The following HS2ST1 variants were observed in gnomAD, a reference collection of about 807,000 sequenced individuals.
The protein encoded by HS2ST1 is 2-O-sulfotransferase.
A neutral mutation model predicts 42.9 loss-of-function variants in HS2ST1; 18 were observed. The observed-to-expected ratio is 0.42, with a 90% CI of 0.29 to 0.62. The LOEUF is 0.62. Among genes scored for constraint, HS2ST1 ranks in the 20% least tolerant of loss-of-function variants. HS2ST1 has a pLI of 0.21. For missense variants in HS2ST1, 334 were observed against 433.8 expected, an observed-to-expected ratio of 0.77 and a Z score of 2.04; for synonymous variants, 146 against 152.9, an observed-to-expected ratio of 0.95 and a Z score of 0.33.
chr1:87,010,059 A>AC (rs200666632), intron 1 of HS2ST1, among the ~76,000 whole-genome samples: 22 of 151,746 alleles, frequency 1.4e-4, no homozygotes, highest in Non-Finnish European at 2.4e-4. Flanking sequence ...ACAAAACAAA[A>AC]AAAAAAACAA....
intron 3 of HS2ST1, among the ~76,000 whole-genome samples, chr1:87,090,019 A>G (rs1292655311): frequency 6.6e-6 from 1 of 151,950 alleles, no homozygotes; most frequent in Non-Finnish European, 1.5e-5. Context: ...ATTCCCAGGA[A>G]TCTCAGTCTT....
At chr1:86,985,411 CATAT>C (rs1267285197) in intron 1 of HS2ST1, among the ~76,000 whole-genome samples, 2 of 50,492 alleles carry the variant, frequency 4.0e-5, no homozygotes, top group African/African-American at 8.9e-5. Context: ...TATATATACA[CATAT>C]ATATACACAT....
At chr1:87,051,000 C>A (rs1349145209) in intron 1 of HS2ST1, among the ~76,000 whole-genome samples, 1 of 151,980 alleles carries the variant, frequency 6.6e-6, no homozygotes, top group Non-Finnish European at 1.5e-5. Flanking sequence ...TCACTTTTAA[C>A]ATTATCCTTC....
chr1:87,101,925 A>G (rs979650938), intron 5 of HS2ST1, among the ~76,000 whole-genome samples: 5 of 152,208 alleles, frequency 3.3e-5, no homozygotes, highest in African/African-American at 1.2e-4. Flanking sequence ...CATGGCACCA[A>G]CATCTGTTTG....
chr1:87,098,119 GTGATATCC>G lies in HS2ST1; in HGVS notation c.686+186_686+193del. 3.0e-6 allele frequency: 4 copies of G among 1,335,522 alleles called. No homozygotes were observed. The South Asian group carries it at 6.4e-5, about 21-fold the overall frequency. The allele number at this position is 1,335,522 out of a possible 1,614,324, so 82.7% of individuals were successfully genotyped here. A position where few individuals can be genotyped will look rare whatever the true frequency, so the allele number is the denominator to read the frequency against. The stretch of plus-strand genomic sequence containing the variant: ...GCATTTAAAAGATTCCTCATGTAGA[GTGATATCC>G]TAATATCCTTGCATTGTTTTCTGAG... On this transcript the variant is annotated intron_variant, in intron 5 of 6. Coordinates refer to ENST00000370550, the MANE Select transcript of HS2ST1 (RefSeq NM_012262.4).
At chr1:87,060,595 G>A (rs1279463309) in intron 1 of HS2ST1, among the ~76,000 whole-genome samples, 2 of 152,136 alleles carry the variant, frequency 1.3e-5, no homozygotes, top group African/African-American at 4.8e-5. Context: ...CAGCATGGGT[G>A]TAACAGATGA....
chr1:87,104,756 C>G lies in HS2ST1; in HGVS notation c.*60C>G, dbSNP rs1652293603. ...ATTTGACCCTGTCTTCACCTTTGTT[C>G]TCAGCTCCACAGTCTGGATTGCTGA... On this transcript the variant is annotated 3_prime_UTR_variant, in exon 7 of 7. Coordinates refer to ENST00000370550, the MANE Select transcript of HS2ST1 (RefSeq NM_012262.4). The G allele has an allele frequency of 4.0e-6, 4 of 1,008,256 alleles. No individual in the cohort carries two copies. In the African/African-American group the frequency reaches 6.4e-5, roughly 16 times the overall value. The allele number at this position is 1,008,256 out of a possible 1,614,324, so 62.5% of individuals were successfully genotyped here.
intron 1 of HS2ST1, among the ~76,000 whole-genome samples, chr1:86,961,337 CAT>C (rs756907983): frequency 1.8e-4 from 27 of 151,978 alleles, no homozygotes; most frequent in Admixed American, 1.2e-3. Context: ...CAAGGGAAAA[CAT>C]ATACTATGAT....
At chr1:87,078,938 A>G (rs1026412527) in intron 2 of HS2ST1, among the ~76,000 whole-genome samples, 2 of 152,334 alleles carry the variant, frequency 1.3e-5, no homozygotes, top group South Asian at 2.1e-4. Flanking sequence ...GTGAAAGAGT[A>G]GAGACCAGGA....
At chr1:87,074,843 C>A (rs1056371066) in intron 2 of HS2ST1, among the ~76,000 whole-genome samples, 2 of 152,114 alleles carry the variant, frequency 1.3e-5, no homozygotes, top group Non-Finnish European at 1.5e-5. Context: ...AGCTGGTAGT[C>A]CAAAACCTGA....
intron 1 of HS2ST1, among the ~76,000 whole-genome samples, chr1:87,001,571 C>A (rs1439006900): frequency 1.3e-5 from 2 of 152,218 alleles, no homozygotes; most frequent in Non-Finnish European, 2.9e-5. Flanking sequence ...TAAAGTATTA[C>A]TTTTAAAAAG....
intron 1 of HS2ST1, among the ~76,000 whole-genome samples, chr1:86,976,059 T>G (rs1648391721): frequency 6.6e-6 from 1 of 152,200 alleles, no homozygotes; most frequent in Non-Finnish European, 1.5e-5. Context: ...ATTAAATGCA[T>G]TATGATTATT....
At chr1:86,977,095 T>G (rs1648436705) in intron 1 of HS2ST1, among the ~76,000 whole-genome samples, 1 of 152,132 alleles carries the variant, frequency 6.6e-6, no homozygotes, top group Non-Finnish European at 1.5e-5. Flanking sequence ...CATCATAATC[T>G]GATTTGGTAT....
intron 1 of HS2ST1, among the ~76,000 whole-genome samples, chr1:87,042,416 C>T (rs747832522): frequency 6.6e-4 from 101 of 152,146 alleles, no homozygotes; most frequent in Admixed American, 1.2e-3. Flanking sequence ...ATAAAAATTT[C>T]CCCCTATGTT....
intron 1 of HS2ST1, among the ~76,000 whole-genome samples, chr1:87,069,206 C>A (rs1431891712): frequency 6.6e-6 from 1 of 152,176 alleles, no homozygotes; most frequent in Non-Finnish European, 1.5e-5. Flanking sequence ...GAAAAAGAAT[C>A]CACGTATTGG....
intron 1 of HS2ST1, among the ~76,000 whole-genome samples, chr1:87,046,982 A>C (rs1464739621): frequency 6.6e-6 from 1 of 151,566 alleles, no homozygotes; most frequent in Admixed American, 6.6e-5. Context: ...TGCTGGGATT[A>C]CAGGCACAAG....
intron 1 of HS2ST1, among the ~76,000 whole-genome samples, chr1:86,922,171 T>TG (rs982390715): frequency 1.6e-4 from 24 of 151,040 alleles, no homozygotes; most frequent in African/African-American, 3.2e-4. Flanking sequence ...TTGTTGTTGT[T>TG]TTTTTTTTAA....
At position 86,954,040 on chromosome 1, in the gene HS2ST1, TAAAAAAAA is replaced by T. The variant is rs367757359; in HGVS notation, c.124+38902_124+38909del. Among the ~76,000 whole-genome samples, 7 of 67,334 alleles carry T rather than the reference TAAAAAAAA, an allele frequency of 1.0e-4. No homozygotes were observed. The South Asian group carries it at 1.8e-3, about 17-fold the overall frequency. 44.2% of individuals were successfully genotyped at this position (67,334 alleles called of 152,430 possible). A position where few individuals can be genotyped will look rare whatever the true frequency, so the allele number is the denominator to read the frequency against. On this transcript the variant is annotated intron_variant, in intron 1 of 6. Coordinates refer to ENST00000370550, the MANE Select transcript of HS2ST1 (RefSeq NM_012262.4). ...TAATAACAAACATCACTGTTTTTTT[TAAAAAAAA>T]AAAAAAAAAAAAAAAAAAAAAGGCC...
At position 86,947,011 on chromosome 1, in the gene HS2ST1, G is replaced by A. The variant is rs149589848; in HGVS notation, c.124+31851G>A. ...GGATAGTAATTATGGATAACTGAAG[G>A]TAAAAAGACATGAGTATCAGCATGT... is the stretch of plus-strand genomic sequence containing the variant. On this transcript the variant is annotated intron_variant, in intron 1 of 6. Transcript: ENST00000370550. 4.6e-3 allele frequency among the ~76,000 whole-genome samples: 701 copies of A among 152,238 alleles called. 4 individuals are homozygous for A. Among genetic ancestry groups the A allele is most frequent in the Middle Eastern group, 0.02 (6 of 294 alleles).
Sources: allele counts gnomAD v4.1 joint callset (sites outside exome capture counted in the v4.1 genomes callset), GRCh38; gene constraint gnomAD v4.1.1; transcripts MANE v1.5; gene names NCBI Gene and HGNC (gene_info 2026-07-23, HGNC 2026-07-21).